Variants in AFF1 observed in about 807,000 individuals in gnomAD.
AFF1 encodes the protein ALF transcription elongation factor 1.
A neutral mutation model predicts 121.7 loss-of-function variants in AFF1; 48 were observed. That is an observed-to-expected ratio of 0.39 (90% confidence interval 0.31 to 0.50). AFF1 has a LOEUF of 0.50. Among genes scored for constraint, AFF1 ranks in the 20% least tolerant of loss-of-function variants. The pLI, the probability that AFF1 is intolerant of heterozygous loss-of-function variation, is 0.76. For missense variants in AFF1, 1,523 were observed against 1,511.7 expected (o/e 1.01, Z -0.12); for synonymous variants, 613 against 563.0 (o/e 1.09, Z -1.26).
Position 87,135,849 on chromosome 4 carries a change from C to G in AFF1, c.*148C>G. 8.1e-7 allele frequency: 1 copy of G among 1,238,062 alleles called. No individual in the cohort carries two copies. The highest frequency in any genetic ancestry group is 2.0e-5 in the South Asian group (1 of 49,242). 76.7% of individuals were successfully genotyped at this position (1,238,062 alleles called of 1,614,324 possible). On this transcript the variant is annotated 3_prime_UTR_variant, in exon 21 of 21. Transcript: ENST00000395146. ...CAGGACATTTGTCCACTTAAACTCTCAACAACAGTGTGATCATTGGTTGGA... is the reference window on the plus strand; with the variant it reads ...CAGGACATTTGTCCACTTAAACTCTGAACAACAGTGTGATCATTGGTTGGA...
intron 10 of AFF1, among the ~76,000 whole-genome samples, chr4:87,107,404 C>T (rs1726022430): frequency 6.6e-6 from 1 of 152,132 alleles, no homozygotes; most frequent in African/African-American, 2.4e-5. Flanking sequence ...AGATTTATTG[C>T]CCCATTCTTA....
chr4:87,052,006 G>A (rs1731316121), intron 4 of AFF1, among the ~76,000 whole-genome samples: 3 of 152,188 alleles, frequency 2.0e-5, no homozygotes, highest in South Asian at 4.1e-4. Flanking sequence ...GGTCAGCACA[G>A]GACCCTCTGA....
At chr4:87,109,640 G>A (rs532746698) in intron 11 of AFF1, among the ~76,000 whole-genome samples, 93 of 152,282 alleles carry the variant, frequency 6.1e-4, no homozygotes, top group African/African-American at 2.1e-3. Flanking sequence ...CTTCATGCTA[G>A]TTAGATTACT....
chr4:87,122,902 A>AAAAAAAAAC, intron 12 of AFF1, among the ~76,000 whole-genome samples: 1 of 150,966 alleles, frequency 6.6e-6, no homozygotes, highest in Non-Finnish European at 1.5e-5. Flanking sequence ...AAAAAAAAAA[A>AAAAAAAAAC]AAAATTCTTT....
intron 2 of AFF1, among the ~76,000 whole-genome samples, chr4:87,008,024 T>A (rs996370613): frequency 6.6e-6 from 1 of 152,118 alleles, no homozygotes; most frequent in Admixed American, 6.6e-5. Flanking sequence ...AGCGCTATTG[T>A]AAGAACCTGA....
chr4:87,100,355 GAC>G (rs558394442), intron 8 of AFF1, among the ~76,000 whole-genome samples: 83 of 152,150 alleles, frequency 5.5e-4, no homozygotes, highest in Non-Finnish European at 9.7e-4. Flanking sequence ...GCCTGTCCCT[GAC>G]ACACATGTCC....
At chr4:86,996,167 G>A (rs1215499371) in intron 2 of AFF1, among the ~76,000 whole-genome samples, 12 of 152,090 alleles carry the variant, frequency 7.9e-5, no homozygotes, top group Admixed American at 6.5e-4. Flanking sequence ...CTGCCCGGCC[G>A]CCCCTACTGG....
chr4:87,046,045 C>T (rs533501246), intron 2 of AFF1, 121 bp from the exon 3 acceptor site: 2 of 1,204,716 alleles, frequency 1.7e-6, no homozygotes, highest in South Asian at 3.0e-5. Context: ...TAAATCACAG[C>T]CGTCATCACT....
At chr4:87,015,690 A>G (rs62306505) in intron 2 of AFF1, among the ~76,000 whole-genome samples, 20,496 of 152,200 alleles carry the variant, frequency 0.13, 1,862 homozygotes, top group Middle Eastern at 0.23. Context: ...TTCTTATTTT[A>G]GCAGTCATGT....
At chr4:87,035,289 T>C (rs1401411552) in intron 2 of AFF1, among the ~76,000 whole-genome samples, 2 of 152,054 alleles carry the variant, frequency 1.3e-5, no homozygotes, top group Non-Finnish European at 2.9e-5. Flanking sequence ...AGGCCTGGCA[T>C]GGTGGCTCAC....
chr4:87,046,298 A>T lies in AFF1; in HGVS notation c.159+12A>T. 1 of 1,607,224 alleles carries T rather than the reference A, an allele frequency of 6.2e-7. No individual in the cohort carries two copies. The highest frequency in any genetic ancestry group is 2.2e-5 in the East Asian group (1 of 44,840). On this transcript the variant is annotated intron_variant, in intron 3 of 20. Coordinates refer to ENST00000395146, the MANE Select transcript of AFF1 (RefSeq NM_001166693.3). Reference sequence around the variant, plus strand: ...GAGAGCCCTACAAGGTATTTACTGAACACTAGACATTGAAGTCCTGATTTA... The same window carrying T: ...GAGAGCCCTACAAGGTATTTACTGATCACTAGACATTGAAGTCCTGATTTA...
At chr4:86,969,785 C>T (rs560057870) in intron 2 of AFF1, among the ~76,000 whole-genome samples, 2 of 145,030 alleles carry the variant, frequency 1.4e-5, no homozygotes, top group Non-Finnish European at 3.0e-5. Context: ...GAGGCTGAGG[C>T]GGAAGAATGG....
chr4:87,065,972 G>T (rs906663451), intron 4 of AFF1, among the ~76,000 whole-genome samples: 2 of 152,192 alleles, frequency 1.3e-5, no homozygotes, highest in African/African-American at 2.4e-5. Context: ...ATGCCAGCAG[G>T]TTATTAGATA....
rs534593899 is a variant in AFF1, at chr4:87,074,439, G to A, written c.1060-9681G>A. On this transcript the variant is annotated intron_variant, in intron 4 of 20. Coordinates refer to ENST00000395146, the MANE Select transcript of AFF1 (RefSeq NM_001166693.3). ...GTGTTTTAAAGTCTTAGACCATTGG[G>A]GATTCTGATTCCCCTTATTACGTGG... Among the ~76,000 whole-genome samples the A allele has an allele frequency of 7.9e-5, 12 of 152,272 alleles. No homozygotes were observed. In the South Asian group the frequency reaches 2.5e-3, roughly 32 times the overall value.
intron 11 of AFF1, among the ~76,000 whole-genome samples, chr4:87,112,546 A>G (rs1054745375): frequency 3.9e-5 from 6 of 152,212 alleles, no homozygotes; most frequent in African/African-American, 9.6e-5. Flanking sequence ...CAAACTATCT[A>G]CCTGATCCTT....
intron 2 of AFF1, among the ~76,000 whole-genome samples, chr4:86,981,799 T>C (rs1323021278): frequency 1.3e-5 from 2 of 152,236 alleles, no homozygotes; most frequent in African/African-American, 4.8e-5. Context: ...CAAATCACTT[T>C]ATAAATAACA....
At chr4:87,026,349 C>T (rs141324902) in intron 2 of AFF1, among the ~76,000 whole-genome samples, 47 of 152,294 alleles carry the variant, frequency 3.1e-4, no homozygotes, top group Admixed American at 5.2e-4. Flanking sequence ...CCTCCTGCCT[C>T]GGCCTCCCAA....
At chr4:87,105,989 A>C in intron 10 of AFF1, 144 bp downstream of exon 10, 1 of 1,065,524 alleles carries the variant, frequency 9.4e-7, no homozygotes, top group Non-Finnish European at 1.4e-6. Context: ...TACCTGTTTA[A>C]TATTTTGGAA....
chr4:87,071,666 C>T (rs182884150), intron 4 of AFF1, among the ~76,000 whole-genome samples: 2 of 152,276 alleles, frequency 1.3e-5, no homozygotes, highest in East Asian at 3.9e-4. Flanking sequence ...GGTTTATGTA[C>T]AACCTAGATA....
Sources: gnomAD v4.1 joint callset for allele counts (sites outside exome capture counted in the v4.1 genomes callset) on GRCh38, gnomAD v4.1.1 for gene constraint, MANE v1.5 for transcripts, NCBI Gene and HGNC (gene_info 2026-07-23, HGNC 2026-07-21) for gene names.